The following TLL1 variants were observed in gnomAD, a reference collection of about 807,000 sequenced individuals.
TLL1 encodes the protein tolloid-like protein 1.
A neutral mutation model predicts 128.2 loss-of-function variants in TLL1; 49 were observed. The ratio of observed to expected loss-of-function variants is 0.38; its 90% CI spans 0.30 to 0.48. The LOEUF is 0.48. Ranked by LOEUF, TLL1 falls within the 20% of genes least tolerant of loss-of-function variation. The pLI is 0.96. For missense variants in TLL1, 1,123 were observed against 1,242.0 expected, an observed-to-expected ratio of 0.90 and a Z score of 1.44; for synonymous variants, 454 against 418.8, an observed-to-expected ratio of 1.08 and a Z score of -1.03.
chr4:165,903,140 G>C (rs1025773032), intron 1 of TLL1, among the ~76,000 whole-genome samples: 1 of 152,016 alleles, frequency 6.6e-6, no homozygotes, highest in African/African-American at 2.4e-5. Flanking sequence ...GGAGTTTGGG[G>C]CCAGCCTGGC....
intron 18 of TLL1, among the ~76,000 whole-genome samples, chr4:166,086,721 G>A (rs927420910): frequency 2.2e-4 from 33 of 152,072 alleles, no homozygotes; most frequent in African/African-American, 7.2e-4. Context: ...AGTCTGGCCA[G>A]GATTCAAAGG....
intron 20 of TLL1, among the ~76,000 whole-genome samples, chr4:166,099,986 C>T (rs939317954): frequency 2.6e-5 from 4 of 152,204 alleles, no homozygotes; most frequent in Admixed American, 1.3e-4. Context: ...GGTGTGTGTA[C>T]ACAGGCAGTG....
intron 9 of TLL1, among the ~76,000 whole-genome samples, chr4:166,030,150 C>T (rs761556431): frequency 1.3e-5 from 2 of 152,088 alleles, no homozygotes; most frequent in African/African-American, 4.8e-5. Flanking sequence ...CTCACCAACA[C>T]TTGTTATTTT....
intron 1 of TLL1, among the ~76,000 whole-genome samples, chr4:165,946,993 G>A (rs1266079285): frequency 6.6e-6 from 1 of 152,094 alleles, no homozygotes; most frequent in Non-Finnish European, 1.5e-5. Context: ...TGGATATTAA[G>A]ATTTCCAAGC....
chr4:166,013,692 AT>A (rs928668114), intron 7 of TLL1, among the ~76,000 whole-genome samples: 2 of 151,736 alleles, frequency 1.3e-5, no homozygotes, highest in African/African-American at 2.4e-5. Flanking sequence ...ATTAGAAAGT[AT>A]TTTTAGGGCA....
At chr4:165,963,021 C>G (rs1287453536) in intron 1 of TLL1, among the ~76,000 whole-genome samples, 2 of 135,396 alleles carry the variant, frequency 1.5e-5, no homozygotes, top group Non-Finnish European at 3.0e-5. Context: ...TGCCATTGCA[C>G]TCCAGTCTGG....
intron 16 of TLL1, among the ~76,000 whole-genome samples, chr4:166,068,362 G>T (rs1178145959): frequency 2.6e-5 from 4 of 151,922 alleles, no homozygotes; most frequent in African/African-American, 9.6e-5. Flanking sequence ...TTTAATTGAT[G>T]TCTGTTCACA....
At chr4:166,030,906 G>A (rs2111078597) in intron 9 of TLL1, 3 of 983,008 alleles carry the variant, frequency 3.1e-6, no homozygotes, top group East Asian at 1.1e-4. Context: ...TAGTTTCACT[G>A]GATATAGTTG....
intron 1 of TLL1, among the ~76,000 whole-genome samples, chr4:165,933,193 G>T (rs1733608040): frequency 6.6e-6 from 1 of 152,102 alleles, no homozygotes. Flanking sequence ...CTGCATAATT[G>T]TTCAGTGGAT....
chr4:166,063,035 A>G (rs1740404384), intron 15 of TLL1, among the ~76,000 whole-genome samples: 2 of 152,048 alleles, frequency 1.3e-5, no homozygotes, highest in Admixed American at 6.6e-5. Flanking sequence ...TGATTTGCTA[A>G]CATCAGAGTG....
At chr4:165,930,626 C>T (rs1297692380) in intron 1 of TLL1, among the ~76,000 whole-genome samples, 3 of 152,142 alleles carry the variant, frequency 2.0e-5, no homozygotes, top group Non-Finnish European at 4.4e-5. Flanking sequence ...AGAAAGTTTA[C>T]TGACTCCTGC....
chr4:166,062,962 A>T (rs1016082111), intron 15 of TLL1, among the ~76,000 whole-genome samples: 1 of 152,200 alleles, frequency 6.6e-6, no homozygotes, highest in African/African-American at 2.4e-5. Context: ...CCTTTTCTGC[A>T]TCTATTGAGA....
chr4:165,955,725 A>C (rs1734752998), intron 1 of TLL1, among the ~76,000 whole-genome samples: 1 of 152,190 alleles, frequency 6.6e-6, no homozygotes, highest in Non-Finnish European at 1.5e-5. Context: ...AATCTTTTCC[A>C]GAAAAGCAAT....
intron 1 of TLL1, among the ~76,000 whole-genome samples, chr4:165,931,561 CAA>C (rs368421654): frequency 9.9e-5 from 15 of 151,156 alleles, no homozygotes; most frequent in South Asian, 2.1e-4. Flanking sequence ...ACTAAAAATA[CAA>C]AAAAAATTAG....
intron 7 of TLL1, among the ~76,000 whole-genome samples, chr4:166,011,008 A>T (rs1371796982): frequency 2.0e-5 from 3 of 151,082 alleles, no homozygotes; most frequent in Admixed American, 6.6e-5. Flanking sequence ...CCGTCTATAG[A>T]TCTGTCTTTA....
At chr4:166,004,209 C>A (rs1446543769) in intron 6 of TLL1, among the ~76,000 whole-genome samples, 1 of 151,986 alleles carries the variant, frequency 6.6e-6, no homozygotes, top group Non-Finnish European at 1.5e-5. Flanking sequence ...TTAACTTTTA[C>A]GTGCATAAAG....
chr4:165,893,402 A>G (rs996136915), intron 1 of TLL1, among the ~76,000 whole-genome samples: 2 of 152,192 alleles, frequency 1.3e-5, no homozygotes, highest in African/African-American at 4.8e-5. Context: ...TGTCTATACA[A>G]CAGCGTTGAG....
chr4:165,936,195 T>C (rs900627244), intron 1 of TLL1, among the ~76,000 whole-genome samples: 1 of 145,576 alleles, frequency 6.9e-6, no homozygotes, highest in East Asian at 2.0e-4. Flanking sequence ...TTGCTTCATA[T>C]ATATATATAT....
At chr4:165,911,565 A>G (rs1195529054) in intron 1 of TLL1, among the ~76,000 whole-genome samples, 1 of 152,126 alleles carries the variant, frequency 6.6e-6, no homozygotes, top group Non-Finnish European at 1.5e-5. Context: ...TGATATAGGA[A>G]AGCAGTGATT....
Sources: allele counts gnomAD v4.1 joint callset (sites outside exome capture counted in the v4.1 genomes callset), GRCh38; gene constraint gnomAD v4.1.1; transcripts MANE v1.5; gene names NCBI Gene and HGNC (gene_info 2026-07-23, HGNC 2026-07-21).